DNAH5: variants seen among roughly 807,000 people sequenced by gnomAD.
DNAH5 encodes axonemal beta dynein heavy chain 5.
A neutral mutation model predicts 518.2 loss-of-function variants in DNAH5; 372 were observed. The observed-to-expected ratio is 0.72, with a 90% CI of 0.66 to 0.78. The LOEUF (loss-of-function observed/expected upper bound fraction) is 0.78. Among genes scored for constraint, DNAH5 ranks in the 30% least tolerant of loss-of-function variants. The probability of loss-of-function intolerance (pLI) is 0.00; values close to 1 mark genes in which losing one functional copy is unlikely to be tolerated. For synonymous variants in DNAH5, 2,039 were observed against 2,025.9 expected (o/e 1.01, Z -0.17); for missense variants, 5,523 against 5,687.0 (o/e 0.97, Z 0.93).
chr5:13,728,124 T>C (rs940337698), intron 69 of DNAH5, among the ~76,000 whole-genome samples: 1 of 152,212 alleles, frequency 6.6e-6, no homozygotes, highest in Non-Finnish European at 1.5e-5. Context: ...AGCTTTTTGA[T>C]CAATACTCTA....
Position 13,919,231 on chromosome 5 carries a change from G to A in DNAH5, c.920C>T (p.Pro307Leu), listed in dbSNP as rs1232050608. Residue 307 changes from proline to leucine, a missense_variant, in exon 7 of 79, where the codon CCG (proline) becomes CTG (leucine). Coordinates refer to ENST00000265104, the MANE Select transcript of DNAH5 (RefSeq NM_001369.3). ...FNYLLEQLKS[P>L]DVKAVLAVLA... ...CACTGCCAGCACAGCCTTCACATCC[G>A]GGCTTTTCAATTGTTCCAAAAGGTA... 13 of 1,613,928 alleles carry A rather than the reference G, an allele frequency of 8.1e-6. 1 individual carries two copies. The highest frequency in any genetic ancestry group is 7.7e-5 in the South Asian group (7 of 91,072).
Position 13,708,359 on chromosome 5 carries a change from C to T in DNAH5, c.13126-24G>A, listed in dbSNP as rs199508197. ...ACCTGCCATGGAGACATTCAAAGCA[C>T]ATGTTAACAATTAGCTACTAAGGAT... On this transcript the variant is annotated intron_variant, in intron 75 of 78. Coordinates refer to ENST00000265104, the MANE Select transcript of DNAH5 (RefSeq NM_001369.3). 4.1e-4 allele frequency: 668 copies of T among 1,611,922 alleles called. 3 individuals carry two copies. The Middle Eastern group carries it at 9.9e-3, about 24-fold the overall frequency.
In DNAH5 at chr5:13,923,272, C is replaced by T. The variant is rs950201438; in HGVS notation, c.438+8G>A. 7 of 1,613,966 alleles carry T rather than the reference C, an allele frequency of 4.3e-6. No individual in the cohort carries two copies. In the Admixed American group the frequency reaches 8.3e-5, roughly 19 times the overall value. On this transcript the variant is annotated splice_region_variant and intron_variant, in intron 4 of 78. Transcript: ENST00000265104. ...AATTCAGAGTAAACAATGGCTCTTG[C>T]CCCTTACCTGGTGGATGTTGTCAGG...
chr5:13,799,811 A>G (rs928144720), intron 47 of DNAH5, among the ~76,000 whole-genome samples: 1 of 152,230 alleles, frequency 6.6e-6, no homozygotes, highest in Non-Finnish European at 1.5e-5. Context: ...TCTAAACATA[A>G]AAGCCATTTG....
In DNAH5 at chr5:13,867,804, A is replaced by G. The variant is rs148451151; in HGVS notation, c.4023T>C (p.Asp1341=). The change falls in exon 25 of 79, where the codon GAT becomes GAC. Residue 1341 remains aspartate (D), a synonymous_variant. Coordinates refer to ENST00000265104, the MANE Select transcript of DNAH5 (RefSeq NM_001369.3). ...LISAVEVFLQ[D]CHQFYLDYDL... ...CATAGTCCAGATAAAACTGGTGACA[A>G]TCTTGGAGGAATACCTCCACAGCAC... The G allele has an allele frequency of 3.7e-6, 6 of 1,613,878 alleles. No individual in the cohort carries two copies. Among genetic ancestry groups the G allele is most frequent in the Non-Finnish European group, 5.1e-6 (6 of 1,179,914 alleles).
At chr5:13,916,130 T>G (rs1404693226) in intron 9 of DNAH5, among the ~76,000 whole-genome samples, 1 of 151,646 alleles carries the variant, frequency 6.6e-6, no homozygotes, top group African/African-American at 2.4e-5. Context: ...TAATAAAATA[T>G]TTATTATAAT....
chr5:13,788,973 C>T, intron 50 of DNAH5, 59 bp from the exon 51 acceptor site: 1 of 1,461,152 alleles, frequency 6.8e-7, no homozygotes, highest in Admixed American at 1.7e-5. Context: ...ATTGGGAATT[C>T]AGGTTGACAG....
intron 3 of DNAH5, among the ~76,000 whole-genome samples, chr5:13,924,778 C>T (rs1416727458): frequency 6.6e-6 from 1 of 152,084 alleles, no homozygotes; most frequent in African/African-American, 2.4e-5. Flanking sequence ...AGAATACTAG[C>T]CTCTGTAAGC....
chr5:13,810,223 C>T lies in DNAH5; in HGVS notation c.7445G>A (p.Arg2482Gln), dbSNP rs764212128. Reference protein sequence around the residue: ...GGEVSQAHLGRLFVFALLWSA... With the variant: ...GGEVSQAHLGQLFVFALLWSA... ...CCACAGCAGCGCGAACACGAACAGC[C>T]GCCCCAGGTGAGCCTGGCTCACCTC... is the stretch of plus-strand genomic sequence containing the variant. Residue 2482 changes from arginine to glutamine, a missense_variant, in exon 45 of 79, where the codon CGG (arginine) becomes CAG (glutamine). Physicochemically the swap from Arg to Gln is conservative, Grantham distance 43. Transcript: ENST00000265104. The T allele has an allele frequency of 1.8e-5, 28 of 1,550,526 alleles. No individual in the cohort carries two copies. Among genetic ancestry groups the T allele is most frequent in the Non-Finnish European group, 2.4e-5 (28 of 1,146,980 alleles).
chr5:13,864,931 T>C (rs569433535), intron 27 of DNAH5, among the ~76,000 whole-genome samples: 1 of 151,974 alleles, frequency 6.6e-6, no homozygotes, highest in South Asian at 2.1e-4. Context: ...TCTACAAACA[T>C]GTACTGAGAA....
At position 13,735,184 on chromosome 5, in the gene DNAH5, A is replaced by G; in HGVS notation, c.11708T>C (p.Ile3903Thr). The change falls in exon 68 of 79, where the codon ATT becomes ACT. Residue 3903 changes from isoleucine to threonine, a missense_variant. Physicochemically the swap from Ile to Thr is moderately conservative, Grantham distance 89 (BLOSUM62 -1). Coordinates refer to ENST00000265104, the MANE Select transcript of DNAH5 (RefSeq NM_001369.3). Reference sequence around the variant, plus strand: ...CTTGACTCGGTTCCTCTGGATGTCAATCTTTAGGGTAAGCAACAAGGTGAA... The same window carrying G: ...CTTGACTCGGTTCCTCTGGATGTCAGTCTTTAGGGTAAGCAACAAGGTGAA... ...FLFTLLLTLK[I>T]DIQRNRVKHE... 6.2e-7 allele frequency: 1 copy of G among 1,614,088 alleles called. No individual in the cohort carries two copies. The highest frequency in any genetic ancestry group is 1.1e-5 in the South Asian group (1 of 91,080).
rs1751581019 is a variant in DNAH5 at position 13,760,101 on chromosome 5, T to C, written c.10282-1118A>G. 2.0e-5 allele frequency among the ~76,000 whole-genome samples: 3 copies of C among 152,102 alleles called. No homozygotes were observed. The South Asian group carries it at 6.2e-4, about 31-fold the overall frequency. ...GCAACTGTTCCCATGGCTCAAAACA[T>C]GGAAGGAAAAAGTAAAGTCACCGTG... On this transcript the variant is annotated intron_variant, in intron 60 of 78. Coordinates refer to ENST00000265104, the MANE Select transcript of DNAH5 (RefSeq NM_001369.3).
chr5:13,738,694 C>T (rs1387540337), intron 65 of DNAH5, among the ~76,000 whole-genome samples: 3 of 152,032 alleles, frequency 2.0e-5, no homozygotes, highest in East Asian at 1.9e-4. Context: ...ACGTGTGACA[C>T]CAAGCAAGCC....
intron 35 of DNAH5, among the ~76,000 whole-genome samples, chr5:13,837,508 C>G (rs1457586613): frequency 6.6e-6 from 1 of 151,748 alleles, no homozygotes. Context: ...TGCATGAGAA[C>G]AGGCACCCAG....
rs142337174 is a variant in DNAH5 at position 13,870,577 on chromosome 5, C to T, written c.3834+190G>A. ...AGGCTCTGCTTTGAAGGACCTTAGG[C>T]GACATGTGAAGGTGAAAACTGGCCC... On this transcript the variant is annotated intron_variant, in intron 24 of 78. Coordinates refer to ENST00000265104, the MANE Select transcript of DNAH5 (RefSeq NM_001369.3). 8.2e-4 allele frequency among the ~76,000 whole-genome samples: 125 copies of T among 152,136 alleles called. 1 individual carries two copies. The highest frequency in any genetic ancestry group is 2.7e-3 in the African/African-American group (111 of 41,512).
intron 22 of DNAH5, among the ~76,000 whole-genome samples, chr5:13,876,412 G>A (rs1357398830): frequency 6.6e-6 from 1 of 152,140 alleles, no homozygotes; most frequent in East Asian, 1.9e-4. Context: ...GAACATATTA[G>A]ATTTTTTAAG....
chr5:13,790,915 C>A (rs907829963), intron 50 of DNAH5, among the ~76,000 whole-genome samples: 2 of 151,952 alleles, frequency 1.3e-5, no homozygotes, highest in African/African-American at 4.8e-5. Context: ...CTGGGGTCTA[C>A]CTGAGGGTGG....
rs1189856509 is a variant in DNAH5, at chr5:13,917,222, G to A, written c.1010C>T (p.Ala337Val). ...WREMDIRITD[A>V]TNEAKDNVKY... The stretch of plus-strand genomic sequence containing the variant: ...CACATTGTCCTTTGCTTCATTAGTT[G>A]CATCAGTGATTCGAATATCCATCTC... The change falls in exon 8 of 79, where the codon GCA becomes GTA. Residue 337 changes from alanine (A) to valine (V), a missense_variant. By Grantham distance (64) the Ala-to-Val change is moderately conservative (BLOSUM62 0). Transcript: ENST00000265104. The A allele has an allele frequency of 6.2e-7, 1 of 1,613,750 alleles. No individual in the cohort carries two copies. Among genetic ancestry groups the A allele is most frequent in the Non-Finnish European group, 8.5e-7 (1 of 1,179,938 alleles).
At position 13,871,500 on chromosome 5, in the gene DNAH5, C is replaced by A. The variant is rs537385885; in HGVS notation, c.3598+64G>T. 1,851 of 1,364,834 alleles carry A rather than the reference C, an allele frequency of 1.4e-3. 2 individuals are homozygous for A. Among genetic ancestry groups the A allele is most frequent in the Non-Finnish European group, 1.4e-3 (1,380 of 957,422 alleles). 84.5% of individuals were successfully genotyped at this position (1,364,834 alleles called of 1,614,324 possible). ...AGGTAGAACTCTCTGGAATACAAAT[C>A]TAGGTAAAGAGGCAGAACAATAATG... On this transcript the variant is annotated intron_variant, in intron 23 of 78. Coordinates refer to ENST00000265104, the MANE Select transcript of DNAH5 (RefSeq NM_001369.3).
Sources: gnomAD v4.1 joint callset for allele counts (sites outside exome capture counted in the v4.1 genomes callset) on GRCh38, gnomAD v4.1.1 for gene constraint, MANE v1.5 for transcripts, NCBI Gene and HGNC (gene_info 2026-07-23, HGNC 2026-07-21) for gene names.